CNKSR2: variants seen among roughly 807,000 people sequenced by gnomAD.
CNKSR2 encodes the protein connector enhancer of kinase suppressor of Ras 2, also known as CNK homolog protein 2.
CNKSR2 carries 14 observed loss-of-function variants against 84.4 expected under a neutral mutation model. The ratio of observed to expected loss-of-function variants is 0.17; its 90% CI spans 0.11 to 0.26. CNKSR2 has a LOEUF of 0.26. Ranked by LOEUF, CNKSR2 falls within the 10% of genes least tolerant of loss-of-function variation. The pLI is 1.00. For synonymous variants in CNKSR2, 275 were observed against 277.9 expected, an observed-to-expected ratio of 0.99 and a Z score of 0.10; for missense variants, 485 against 771.2, an observed-to-expected ratio of 0.63 and a Z score of 4.40.
chrX:21,376,402 A>G (rs2146934585), intron 1 of CNKSR2, among the ~76,000 whole-genome samples: 1 of 112,211 alleles, frequency 8.9e-6, no homozygotes, highest in South Asian at 3.7e-4. Flanking sequence ...TAAGCAGTAC[A>G]AATGTGAGTG....
intron 1 of CNKSR2, among the ~76,000 whole-genome samples, chrX:21,390,578 C>T (rs1005497995): frequency 1.8e-5 from 2 of 111,309 alleles, no homozygotes; most frequent in Admixed American, 9.5e-5. Context: ...GGGGGAAATC[C>T]ACCCCCATGA....
At chrX:21,473,034 A>G (rs964706057) in intron 5 of CNKSR2, among the ~76,000 whole-genome samples, 1 of 111,684 alleles carries the variant, frequency 9.0e-6, no homozygotes, top group Non-Finnish European at 1.9e-5. Flanking sequence ...ATTCCTAATA[A>G]TTGACTCATA....
chrX:21,506,866 A>G (rs1007464105), intron 8 of CNKSR2: 2 of 110,862 alleles, frequency 1.8e-5, no homozygotes, highest in Non-Finnish European at 3.8e-5. Context: ...TTTCCTTATA[A>G]GTTTATTTCA....
At chrX:21,599,339 G>GGT (rs34829122) in intron 17 of CNKSR2, among the ~76,000 whole-genome samples, 6,299 of 82,592 alleles carry the variant, frequency 0.076, 276 homozygotes, top group African/African-American at 0.14. Flanking sequence ...TTTTTGTTTT[G>GGT]GTGTGTGTGT....
At chrX:21,612,628 A>G (rs1198555718) in intron 20 of CNKSR2, among the ~76,000 whole-genome samples, 1 of 112,370 alleles carries the variant, frequency 8.9e-6, no homozygotes, top group Non-Finnish European at 1.9e-5. Context: ...AGGGTGAAGA[A>G]TTATGTCATC....
At chrX:21,641,450 T>C in intron 20 of CNKSR2, 1 of 1,093,432 alleles carries the variant, frequency 9.1e-7, no homozygotes, top group Non-Finnish European at 1.2e-6. Context: ...TGATGGTATT[T>C]CTAATACAAA....
At chrX:21,422,545 A>G (rs916090508) in intron 1 of CNKSR2, among the ~76,000 whole-genome samples, 1 of 112,446 alleles carries the variant, frequency 8.9e-6, no homozygotes, top group Non-Finnish European at 1.9e-5. Context: ...ACATGTTTCT[A>G]TCTTCATGAT....
At chrX:21,626,275 A>G (rs906553725) in intron 20 of CNKSR2, among the ~76,000 whole-genome samples, 1 of 108,751 alleles carries the variant, frequency 9.2e-6, no homozygotes, top group Non-Finnish European at 1.9e-5. Flanking sequence ...AAATGGCATC[A>G]GCAAAGGTAG....
At chrX:21,385,259 C>T (rs896178594) in intron 1 of CNKSR2, among the ~76,000 whole-genome samples, 1 of 111,433 alleles carries the variant, frequency 9.0e-6, no homozygotes, top group Admixed American at 9.6e-5. Flanking sequence ...AAGTTTTCTC[C>T]TTTTTATAAA....
At chrX:21,572,319 T>C (rs748880983) in intron 13 of CNKSR2, among the ~76,000 whole-genome samples, 3 of 112,334 alleles carry the variant, frequency 2.7e-5, no homozygotes, top group Non-Finnish European at 5.6e-5. Context: ...CCATTTTCAC[T>C]TGTGACTAGA....
chrX:21,570,990 T>C (rs191241655), intron 13 of CNKSR2, among the ~76,000 whole-genome samples: 1 of 112,519 alleles, frequency 8.9e-6, no homozygotes, highest in Admixed American at 9.4e-5. Context: ...CTGGTTTTGA[T>C]CTTCTATCCA....
intron 4 of CNKSR2, among the ~76,000 whole-genome samples, chrX:21,462,974 G>C (rs1038657294): frequency 9.0e-6 from 1 of 110,665 alleles, no homozygotes; most frequent in Non-Finnish European, 1.9e-5. Context: ...CCAAAGTGCT[G>C]AGATTACAGG....
intron 11 of CNKSR2, among the ~76,000 whole-genome samples, chrX:21,548,030 A>G (rs1472963673): frequency 1.8e-5 from 2 of 112,024 alleles, no homozygotes; most frequent in African/African-American, 6.5e-5. Context: ...TAGTGAAGCA[A>G]GAGCAAACAC....
chrX:21,418,512 GAA>G, intron 1 of CNKSR2, among the ~76,000 whole-genome samples: 1 of 111,510 alleles, frequency 9.0e-6, no homozygotes, highest in East Asian at 2.8e-4. Context: ...CTTTTGTTTG[GAA>G]AAGTCTTTAT....
At chrX:21,627,968 G>T (rs2147314117) in intron 20 of CNKSR2, among the ~76,000 whole-genome samples, 1 of 111,477 alleles carries the variant, frequency 9.0e-6, no homozygotes, top group African/African-American at 3.3e-5. Context: ...CCGAGACAAG[G>T]CAAGTCCCTT....
intron 11 of CNKSR2, among the ~76,000 whole-genome samples, chrX:21,551,853 A>G (rs368543961): frequency 1.8e-5 from 2 of 111,948 alleles, no homozygotes; most frequent in East Asian, 2.8e-4. Context: ...GAGACCTTGT[A>G]TGGCACAGAG....
intron 5 of CNKSR2, among the ~76,000 whole-genome samples, chrX:21,475,734 A>G (rs1258940286): frequency 9.0e-6 from 1 of 111,628 alleles, no homozygotes; most frequent in Non-Finnish European, 1.9e-5. Context: ...AGGAGAACTT[A>G]TCACTTATGA....
At chrX:21,569,975 C>A (rs1239786096) in intron 13 of CNKSR2, among the ~76,000 whole-genome samples, 1 of 111,888 alleles carries the variant, frequency 8.9e-6, no homozygotes, top group South Asian at 3.7e-4. Context: ...GTTTTCCAGG[C>A]TTTGTTGTTT....
chrX:21,551,002 G>T (rs1232152626), intron 11 of CNKSR2, among the ~76,000 whole-genome samples: 2 of 106,620 alleles, frequency 1.9e-5, no homozygotes. Context: ...TTGCACTCCA[G>T]CCTGGGCAAC....
Sources: gnomAD v4.1 joint callset for allele counts (sites outside exome capture counted in the v4.1 genomes callset) on GRCh38, gnomAD v4.1.1 for gene constraint, MANE v1.5 for transcripts, NCBI Gene and HGNC (gene_info 2026-07-23, HGNC 2026-07-21) for gene names.